Variants in SLC34A2 observed in about 807,000 individuals in gnomAD.
The protein encoded by SLC34A2 is solute carrier family 34 member 2, also known as sodium-dependent phosphate transport protein 2B.
In SLC34A2, 41 loss-of-function variants were observed where a neutral mutation model predicts 50.8. The ratio of observed to expected loss-of-function variants is 0.81; its 90% CI spans 0.63 to 1.05. The LOEUF (loss-of-function observed/expected upper bound fraction) is 1.05. Ranked by LOEUF, SLC34A2 falls within the 50% of genes least tolerant of loss-of-function variation. The probability of loss-of-function intolerance (pLI) is 0.00; values close to 1 mark genes in which losing one functional copy is unlikely to be tolerated. For missense variants in SLC34A2, 879 were observed against 876.7 expected, an observed-to-expected ratio of 1.00 and a Z score of -0.03; for synonymous variants, 401 against 364.2, an observed-to-expected ratio of 1.10 and a Z score of -1.15.
Position 25,667,992 on chromosome 4 carries a change from G to C in SLC34A2, c.635+1G>C. 1 of 1,597,740 alleles carries C rather than the reference G, an allele frequency of 6.3e-7. No individual in the cohort carries two copies. The highest frequency in any genetic ancestry group is 8.6e-7 in the Non-Finnish European group (1 of 1,165,290). On this transcript the variant is annotated splice_donor_variant, in intron 6 of 12. Transcript: ENST00000382051. LOFTEE classifies it high-confidence loss of function. ...TGGGAGATCGGAGTGAGTTCAGAAG[G>C]TAAGAGGCTCAAAACCAGCCTTTGC...
At chr4:25,664,444 A>C in intron 4 of SLC34A2, 114 bp downstream of exon 4, 3 of 1,090,534 alleles carry the variant, frequency 2.8e-6, no homozygotes, top group Non-Finnish European at 4.2e-6. Context: ...GTGTTTTAGG[A>C]CTGGAACCGA....
intron 12 of SLC34A2, among the ~76,000 whole-genome samples, chr4:25,675,547 T>A (rs1375405249): frequency 6.6e-6 from 1 of 152,234 alleles, no homozygotes; most frequent in African/African-American, 2.4e-5. Context: ...CTAAAATTTT[T>A]TAGTAGATAC....
intron 1 of SLC34A2, among the ~76,000 whole-genome samples, chr4:25,656,720 G>T (rs1000510970): frequency 1.4e-4 from 21 of 152,176 alleles, no homozygotes; most frequent in Admixed American, 5.2e-4. Context: ...CTCGCACTGC[G>T]CTGAAGAGAG....
intron 9 of SLC34A2, among the ~76,000 whole-genome samples, chr4:25,671,937 G>A (rs1560240302): frequency 6.6e-6 from 1 of 152,180 alleles, no homozygotes; most frequent in Non-Finnish European, 1.5e-5. Context: ...GGGCAGAACT[G>A]GAACTTGAAG....
chr4:25,672,970 G>A (rs1714897121), intron 9 of SLC34A2, 117 bp from the exon 10 acceptor site: 6 of 1,173,464 alleles, frequency 5.1e-6, no homozygotes, highest in Non-Finnish European at 7.6e-6. Context: ...GCTGCCATCT[G>A]TTAAACTAAC....
intron 7 of SLC34A2, 107 bp from the exon 8 acceptor site, chr4:25,670,631 C>T: frequency 2.5e-6 from 2 of 809,898 alleles, no homozygotes; most frequent in Non-Finnish European, 4.2e-6. Context: ...TGGGGGCTCA[C>T]AGTCACATTT....
At position 25,671,687 on chromosome 4, in the gene SLC34A2, G is replaced by T; in HGVS notation, c.1014G>T (p.Met338Ile). 1 of 1,614,212 alleles carries T rather than the reference G, an allele frequency of 6.2e-7. No individual in the cohort carries two copies. The highest frequency in any genetic ancestry group is 8.5e-7 in the Non-Finnish European group (1 of 1,180,050). The change falls in exon 9 of 13, where the codon ATG (methionine) becomes ATT (isoleucine). Residue 338 changes from methionine (M) to isoleucine (I), a missense_variant. Coordinates refer to ENST00000382051, the MANE Select transcript of SLC34A2 (RefSeq NM_006424.3). The part of the protein sequence containing the change: ...CWTDGIQNWT[M>I]KNVTYKENIA... ...CGGATGGCATCCAAAACTGGACCAT[G>T]AAGAATGTGACCTACAAGGAGAACA...
intron 6 of SLC34A2, among the ~76,000 whole-genome samples, chr4:25,668,993 G>A (rs1714667689): frequency 6.6e-6 from 1 of 151,106 alleles, no homozygotes; most frequent in Admixed American, 6.6e-5. Context: ...ATGGAATCGA[G>A]GAGGAATCTT....
Position 25,662,883 on chromosome 4 carries a change from C to A in SLC34A2, c.250+41C>A. 1.9e-6 allele frequency: 3 copies of A among 1,611,636 alleles called. No individual in the cohort carries two copies. In the South Asian group the frequency reaches 3.3e-5, roughly 18 times the overall value. On this transcript the variant is annotated intron_variant, in intron 3 of 12. Transcript: ENST00000382051. The stretch of plus-strand genomic sequence containing the variant: ...GCTGAGACATTCAGGAGGGAAACTT[C>A]CTGTGGTTCACGGTGTCATCATCCT...
chr4:25,671,235 G>T (rs1714798146), intron 8 of SLC34A2, among the ~76,000 whole-genome samples: 1 of 152,126 alleles, frequency 6.6e-6, no homozygotes, highest in African/African-American at 2.4e-5. Context: ...TATTCCCCCT[G>T]CTCGGGCCCA....
chr4:25,657,740 T>C (rs937262412), intron 1 of SLC34A2, among the ~76,000 whole-genome samples: 8 of 152,162 alleles, frequency 5.3e-5, no homozygotes, highest in Non-Finnish European at 1.2e-4. Context: ...ACTACCACCA[T>C]TGTGTCCTTG....
intron 9 of SLC34A2, among the ~76,000 whole-genome samples, chr4:25,672,408 C>G (rs2109058788): frequency 1.3e-5 from 2 of 152,288 alleles, no homozygotes; most frequent in South Asian, 4.1e-4. Flanking sequence ...GGCTGTAGCT[C>G]TTGAACGGGC....
intron 6 of SLC34A2, 23 bp from the exon 7 acceptor site, chr4:25,669,624 C>T: frequency 1.2e-6 from 2 of 1,611,862 alleles, no homozygotes; most frequent in African/African-American, 1.3e-5. Context: ...ACTAATCTGG[C>T]TGTCGGGGTT....
In SLC34A2 at chr4:25,667,876, C is replaced by G; in HGVS notation, c.524-4C>G. The G allele has an allele frequency of 1.2e-6, 2 of 1,601,262 alleles. No individual in the cohort carries two copies. Among genetic ancestry groups the G allele is most frequent in the Non-Finnish European group, 1.7e-6 (2 of 1,168,278 alleles). On this transcript the variant is annotated splice_region_variant and splice_polypyrimidine_tract_variant and intron_variant, in intron 5 of 12. Transcript: ENST00000382051. ...CTTGCTAATGGTACTTTTCCATCCT[C>G]TAGTGCTCACTGTTCGGGCTGCCAT...
chr4:25,665,028 T>G (rs1382143056), intron 4 of SLC34A2: 1 of 229,338 alleles, frequency 4.4e-6, no homozygotes, highest in African/African-American at 2.2e-5. Context: ...CAGTCTCAGA[T>G]CTGGGTGACA....
chr4:25,663,800 CTG>C (rs1466142842), intron 3 of SLC34A2, among the ~76,000 whole-genome samples: 1 of 152,212 alleles, frequency 6.6e-6, no homozygotes, highest in Non-Finnish European at 1.5e-5. Flanking sequence ...AGAAAATACT[CTG>C]TGCTGTTTGG....
chr4:25,673,835 T>A (rs1228778760), intron 10 of SLC34A2, among the ~76,000 whole-genome samples: 1 of 152,124 alleles, frequency 6.6e-6, no homozygotes, highest in Non-Finnish European at 1.5e-5. Flanking sequence ...TCTGGGTGCT[T>A]CTGGGAAATG....
intron 4 of SLC34A2, among the ~76,000 whole-genome samples, chr4:25,664,657 T>C (rs1185342718): frequency 6.6e-6 from 1 of 152,158 alleles, no homozygotes; most frequent in African/African-American, 2.4e-5. Flanking sequence ...TCCTATATCC[T>C]CCACACCAGA....
rs574195964 is a variant in SLC34A2, at chr4:25,664,417, A to G, written c.379+87A>G. 3.4e-5 allele frequency: 49 copies of G among 1,438,868 alleles called. No individual in the cohort carries two copies. In the East Asian group the frequency reaches 1.1e-3, roughly 31 times the overall value. The allele number at this position is 1,438,868 out of a possible 1,614,324, so 89.1% of individuals were successfully genotyped here. On this transcript the variant is annotated intron_variant, in intron 4 of 12. Coordinates refer to ENST00000382051, the MANE Select transcript of SLC34A2 (RefSeq NM_006424.3). ...GAGTAAAACTCAGCAAGCCCTCTCCAGCTGCAGCCTCCTGGAGTGTTTTAG... is the reference window on the plus strand; with the variant it reads ...GAGTAAAACTCAGCAAGCCCTCTCCGGCTGCAGCCTCCTGGAGTGTTTTAG...
Sources: allele counts gnomAD v4.1 joint callset (sites outside exome capture counted in the v4.1 genomes callset), GRCh38; gene constraint gnomAD v4.1.1; transcripts MANE v1.5; gene names NCBI Gene and HGNC (gene_info 2026-07-23, HGNC 2026-07-21).